The following ZFYVE1 variants were observed in gnomAD, a reference collection of about 807,000 sequenced individuals.
ZFYVE1 encodes zinc finger FYVE-type containing 1, also known as zinc finger FYVE domain-containing protein 1.
In ZFYVE1, 30 loss-of-function variants were observed where a neutral mutation model predicts 74.4. That is an observed-to-expected ratio of 0.40 (90% CI 0.30 to 0.55). The LOEUF (loss-of-function observed/expected upper bound fraction) is 0.55, where lower values mean the gene tolerates loss of function less well. Among genes scored for constraint, ZFYVE1 ranks in the 20% least tolerant of loss-of-function variants. ZFYVE1 has a pLI of 0.42. For missense variants in ZFYVE1, 703 were observed against 1,011.6 expected, an observed-to-expected ratio of 0.69 and a Z score of 4.14; for synonymous variants, 335 against 385.1, an observed-to-expected ratio of 0.87 and a Z score of 1.52.
At position 72,970,708 on chromosome 14, in the gene ZFYVE1, C is replaced by G; in HGVS notation, c.*174G>C. On this transcript the variant is annotated 3_prime_UTR_variant, in exon 12 of 12. Coordinates refer to ENST00000556143, the MANE Select transcript of ZFYVE1 (RefSeq NM_021260.4). ...TGCAAGGTCCCCTGCCCTGAGGGGT[C>G]CACACCTTCGGGCCTGCCGCCAGGC... 1.5e-6 allele frequency: 1 copy of G among 685,460 alleles called. No individual in the cohort carries two copies. Among genetic ancestry groups the G allele is most frequent in the East Asian group, 2.7e-5 (1 of 36,650 alleles). The allele number at this position is 685,460 out of a possible 1,614,324, so 42.5% of individuals were successfully genotyped here.
chr14:73,004,353 C>T (rs1430666061), intron 2 of ZFYVE1, among the ~76,000 whole-genome samples: 1 of 152,052 alleles, frequency 6.6e-6, no homozygotes, highest in Non-Finnish European at 1.5e-5. Context: ...ACAGCCACTG[C>T]TATCCTGAGT....
At chr14:73,007,970 C>T (rs1258520194) in intron 2 of ZFYVE1, among the ~76,000 whole-genome samples, 1 of 152,180 alleles carries the variant, frequency 6.6e-6, no homozygotes, top group Non-Finnish European at 1.5e-5. Flanking sequence ...CTCACAAACA[C>T]ACTGAGCACA....
At position 72,971,003 on chromosome 14, in the gene ZFYVE1, C is replaced by T. The variant is rs746701251; in HGVS notation, c.2213G>A (p.Arg738Gln). 4 of 1,614,214 alleles carry T rather than the reference C, an allele frequency of 2.5e-6. No individual in the cohort carries two copies. Among genetic ancestry groups the T allele is most frequent in the Non-Finnish European group, 3.4e-6 (4 of 1,180,046 alleles). Residue 738 changes from arginine to glutamine, a missense_variant, in exon 12 of 12, where the codon CGG becomes CAG. By Grantham distance (43) the Arg-to-Gln change is conservative. This residue lies in a region of ZFYVE1 where 492 missense variants were observed against 790.0 expected (regional missense o/e 0.62). Coordinates refer to ENST00000556143, the MANE Select transcript of ZFYVE1 (RefSeq NM_021260.4). ...FSIKLSKHHC[R>Q]ACGQGFCDEC... ...ATCACAGAAGCCCTGTCCGCAGGCC[C>T]GGCAGTGGTGCTTGGAGAGCTTGAT...
intron 2 of ZFYVE1, among the ~76,000 whole-genome samples, chr14:73,001,948 G>C (rs900464671): frequency 6.7e-6 from 1 of 148,818 alleles, no homozygotes; most frequent in South Asian, 2.1e-4. Flanking sequence ...ATTCAGTCTC[G>C]AAAAAAAAAG....
chr14:72,970,999 G>T lies in ZFYVE1; in HGVS notation c.2217C>A (p.Ala739=). The part of the protein sequence containing the change: ...SIKLSKHHCR[A]CGQGFCDECS... ...ACTCATCACAGAAGCCCTGTCCGCA[G>T]GCCCGGCAGTGGTGCTTGGAGAGCT... Residue 739 remains alanine, a synonymous_variant, in exon 12 of 12, where the codon GCC becomes GCA. Transcript: ENST00000556143. 6.2e-7 allele frequency: 1 copy of T among 1,614,246 alleles called. No homozygotes were observed. The highest frequency in any genetic ancestry group is 8.5e-7 in the Non-Finnish European group (1 of 1,180,046).
chr14:72,979,454 C>T (rs957946498), intron 5 of ZFYVE1, among the ~76,000 whole-genome samples: 12 of 151,740 alleles, frequency 7.9e-5, no homozygotes, highest in Non-Finnish European at 1.5e-4. Flanking sequence ...GAGTTCAAGA[C>T]CAGCCTGACC....
In ZFYVE1 at chr14:72,998,097, G is replaced by C; in HGVS notation, c.702C>G (p.Ile234Met). The C allele has an allele frequency of 1.2e-6, 2 of 1,614,046 alleles. No individual in the cohort carries two copies. The highest frequency in any genetic ancestry group is 1.7e-6 in the Non-Finnish European group (2 of 1,180,016). ...AYDPVHKVAV[I>M]DTEGLLGATV... ...TGGCCCCCAGGAGCCCTTCCGTATCGATCACTGCTACTTTGTGAACTGGGT... is the reference window on the plus strand; with the variant it reads ...TGGCCCCCAGGAGCCCTTCCGTATCCATCACTGCTACTTTGTGAACTGGGT... Residue 234 changes from isoleucine (I) to methionine (M), a missense_variant, in exon 3 of 12, where the codon ATC (isoleucine) becomes ATG (methionine). By Grantham distance (10) the Ile-to-Met change is conservative. This residue lies in a region of ZFYVE1 where 492 missense variants were observed against 790.0 expected (regional missense o/e 0.62). Transcript: ENST00000556143.
chr14:73,017,092 A>T lies in ZFYVE1; in HGVS notation c.483+6934T>A, dbSNP rs371621893. 8.5e-5 allele frequency among the ~76,000 whole-genome samples: 13 copies of T among 152,316 alleles called. No individual in the cohort carries two copies. The East Asian group carries it at 2.3e-3, about 27-fold the overall frequency. ...CACATGAGCCCAGGAGGTGGAAACCAGCATGGCCATCATAGTAAGGCCCTG... is the reference window on the plus strand; with the variant it reads ...CACATGAGCCCAGGAGGTGGAAACCTGCATGGCCATCATAGTAAGGCCCTG... On this transcript the variant is annotated intron_variant, in intron 2 of 11. Coordinates refer to ENST00000556143, the MANE Select transcript of ZFYVE1 (RefSeq NM_021260.4).
At chr14:73,001,097 T>A (rs1044363036) in intron 2 of ZFYVE1, among the ~76,000 whole-genome samples, 2 of 152,250 alleles carry the variant, frequency 1.3e-5, no homozygotes, top group Non-Finnish European at 2.9e-5. Context: ...GGGCTTTGAA[T>A]GCTACGCAAG....
intron 5 of ZFYVE1, among the ~76,000 whole-genome samples, chr14:72,979,794 C>A (rs967406909): frequency 6.6e-6 from 1 of 151,928 alleles, no homozygotes; most frequent in South Asian, 2.1e-4. Context: ...AAAATCCAAA[C>A]AAGATGAAAT....
chr14:72,993,011 T>C, intron 4 of ZFYVE1, 132 bp downstream of exon 4: 3 of 858,376 alleles, frequency 3.5e-6, no homozygotes, highest in South Asian at 2.2e-5. Context: ...ACTCCATTCA[T>C]GTGCTTCCGC....
At chr14:73,014,421 C>T (rs1397047919) in intron 2 of ZFYVE1, among the ~76,000 whole-genome samples, 1 of 152,186 alleles carries the variant, frequency 6.6e-6, no homozygotes, top group Non-Finnish European at 1.5e-5. Context: ...CTACCAATAT[C>T]ACTAAACAAA....
chr14:72,990,953 G>A (rs1417701366), intron 4 of ZFYVE1, among the ~76,000 whole-genome samples: 1 of 151,842 alleles, frequency 6.6e-6, no homozygotes, highest in Non-Finnish European at 1.5e-5. Flanking sequence ...GCCCACCTCC[G>A]CCTCTCAAAG....
At chr14:72,976,269 T>G (rs1893167543) in intron 8 of ZFYVE1, among the ~76,000 whole-genome samples, 1 of 152,166 alleles carries the variant, frequency 6.6e-6, no homozygotes, top group African/African-American at 2.4e-5. Flanking sequence ...TCCTCCTAAT[T>G]TCGAGGACTG....
At chr14:72,981,977 G>T in intron 4 of ZFYVE1, 82 bp from the exon 5 acceptor site, 2 of 1,143,568 alleles carry the variant, frequency 1.7e-6, no homozygotes. Flanking sequence ...CACCGTACAA[G>T]CAACACAGGC....
At chr14:72,989,658 G>A (rs755453551) in intron 4 of ZFYVE1, among the ~76,000 whole-genome samples, 17 of 152,076 alleles carry the variant, frequency 1.1e-4, no homozygotes, top group African/African-American at 1.9e-4. Context: ...CTTTAGAAGC[G>A]AAATAACTAT....
chr14:73,004,993 C>CAAA (rs34755612), intron 2 of ZFYVE1, among the ~76,000 whole-genome samples: 6 of 116,742 alleles, frequency 5.1e-5, no homozygotes, highest in Admixed American at 9.4e-5. Flanking sequence ...GACCCCGTCT[C>CAAA]AAAAAAAAAA....
In ZFYVE1 at chr14:72,969,479, T is replaced by C; in HGVS notation, c.*1403A>G. On this transcript the variant is annotated 3_prime_UTR_variant, in exon 12 of 12. Transcript: ENST00000556143. ...AGGAAGATTCCTTTATGATGGCGAA[T>C]TGGATGGTACACAGTTCTAGAGTAG... The C allele has an allele frequency of 2.1e-6, 1 of 481,202 alleles. No individual in the cohort carries two copies. Among genetic ancestry groups the C allele is most frequent in the Non-Finnish European group, 3.7e-6 (1 of 273,958 alleles). The allele number at this position is 481,202 out of a possible 1,614,324, so 29.8% of individuals were successfully genotyped here.
intron 2 of ZFYVE1, among the ~76,000 whole-genome samples, chr14:73,018,384 T>C (rs1231001990): frequency 7.0e-6 from 1 of 143,850 alleles, no homozygotes; most frequent in East Asian, 2.1e-4. Context: ...TGAGGTGAGA[T>C]TGCGCCACTG....
Sources: allele counts gnomAD v4.1 joint callset (sites outside exome capture counted in the v4.1 genomes callset), GRCh38; gene constraint gnomAD v4.1.1; regional missense constraint gnomAD v4.1.1; transcripts MANE v1.5; gene names NCBI Gene and HGNC (gene_info 2026-07-23, HGNC 2026-07-21).